Variants in TMCO6 observed in about 807,000 individuals in gnomAD.
The protein encoded by TMCO6 is transmembrane and coiled-coil domain-containing protein 6.
Under a neutral mutation model 61.8 loss-of-function variants are expected in TMCO6, and 47 were observed. The observed-to-expected ratio is 0.76, with a 90% CI of 0.60 to 0.97. The LOEUF is 0.97. Among genes scored for constraint, TMCO6 ranks in the 50% least tolerant of loss-of-function variants. The probability of loss-of-function intolerance (pLI) is 0.00; values close to 1 mark genes in which losing one functional copy is unlikely to be tolerated. For synonymous variants in TMCO6, 261 were observed against 254.2 expected (o/e 1.03, Z -0.25); for missense variants, 557 against 601.6 (o/e 0.93, Z 0.78).
At chr5:140,631,740 A>T in the TMCO6 span, 1 of 989,432 alleles carries the variant, frequency 1.0e-6, no homozygotes, top group Non-Finnish European at 1.5e-6. Context: ...CCCGTTGTTT[A>T]AGATTTTAAT....
the TMCO6 span, among the ~76,000 whole-genome samples, chr5:140,618,748 G>T: frequency 6.6e-6 from 1 of 151,962 alleles, no homozygotes; most frequent in East Asian, 1.9e-4. Context: ...AACAAATGGT[G>T]CTGGAACAAC....
At chr5:140,607,767 A>G in the TMCO6 span, among the ~76,000 whole-genome samples, 1 of 147,512 alleles carries the variant, frequency 6.8e-6, no homozygotes, top group East Asian at 2.0e-4. Flanking sequence ...GTGAAGTGGT[A>G]TCTCATTGTG....
the TMCO6 span, among the ~76,000 whole-genome samples, chr5:140,623,441 T>A: frequency 6.6e-6 from 1 of 151,754 alleles, no homozygotes; most frequent in South Asian, 2.1e-4. Context: ...GTAACTTAAC[T>A]CTTTGTTCAG....
At chr5:140,607,930 C>CA in the TMCO6 span, among the ~76,000 whole-genome samples, 1 of 151,950 alleles carries the variant, frequency 6.6e-6, no homozygotes, top group East Asian at 1.9e-4. Context: ...GCTGGGATTA[C>CA]AGGCACTCAC....
rs1243270401 is a variant in TMCO6 at position 140,641,723 on chromosome 5, C to T, written c.257C>T (p.Ala86Val). 1 of 1,614,208 alleles carries T rather than the reference C, an allele frequency of 6.2e-7. No individual in the cohort carries two copies. The highest frequency in any genetic ancestry group is 1.3e-5 in the African/African-American group (1 of 75,052). Reference sequence around the variant, plus strand: ...ACAGAGGAAAAGGAGAGAGAGGGGGCTCTGGTCAGCCTTCGTCGAGGCTTG... The same window carrying T: ...ACAGAGGAAAAGGAGAGAGAGGGGGTTCTGGTCAGCCTTCGTCGAGGCTTG... ...RGTEEKEREG[A>V]LVSLRRGLQH... The change falls in exon 3 of 12, where the codon GCT (alanine) becomes GTT (valine). Residue 86 changes from alanine (A) to valine (V), a missense_variant. Ala to Val is a moderately conservative substitution (Grantham distance 64, BLOSUM62 0). Coordinates refer to ENST00000394671, the MANE Select transcript of TMCO6 (RefSeq NM_018502.5).
the TMCO6 span, among the ~76,000 whole-genome samples, chr5:140,603,108 A>C: frequency 2.6e-5 from 4 of 152,022 alleles, no homozygotes; most frequent in Non-Finnish European, 4.4e-5. Context: ...TAGTTTCAAA[A>C]CTTTTCCATC....
the TMCO6 span, among the ~76,000 whole-genome samples, chr5:140,621,439 T>A: frequency 6.6e-6 from 1 of 152,184 alleles, no homozygotes; most frequent in African/African-American, 2.4e-5. Flanking sequence ...CCCCAGTCAA[T>A]ACCCTTGTGA....
Position 140,639,800 on chromosome 5 carries a change from C to A in TMCO6, c.147C>A (p.Ala49=). ...GCAAGAGGCTGCTGAGAAACGACGC[C>A]CCAGAGGAAGCTGGAGAGGGATGTG... ...LVSKRLLRND[A]PEEAGEGCVA... Residue 49 remains alanine (A), a synonymous_variant, in exon 2 of 12, where the codon GCC becomes GCA. Transcript: ENST00000394671. 6.2e-7 allele frequency: 1 copy of A among 1,609,796 alleles called. No homozygotes were observed. Among genetic ancestry groups the A allele is most frequent in the Non-Finnish European group, 8.5e-7 (1 of 1,178,680 alleles).
Position 140,643,031 on chromosome 5 carries a change from A to C in TMCO6, c.796A>C (p.Ile266Leu). Residue 266 changes from isoleucine (I) to leucine (L), a missense_variant, in exon 7 of 12, where the codon ATC becomes CTC. Coordinates refer to ENST00000394671, the MANE Select transcript of TMCO6 (RefSeq NM_018502.5). Reference sequence around the variant, plus strand: ...GGAGTTTGCCTGGTGCCTTCATTACATCATCTGCAGGTAACAGGGCAATTG... The same window carrying C: ...GGAGTTTGCCTGGTGCCTTCATTACCTCATCTGCAGGTAACAGGGCAATTG... ...AVEFAWCLHYIICSQVSNPLL... is the reference protein window; with the variant it reads ...AVEFAWCLHYLICSQVSNPLL... 1 of 1,614,156 alleles carries C rather than the reference A, an allele frequency of 6.2e-7. No homozygotes were observed. The highest frequency in any genetic ancestry group is 8.5e-7 in the Non-Finnish European group (1 of 1,180,016).
the TMCO6 span, among the ~76,000 whole-genome samples, chr5:140,611,685 G>C: frequency 6.6e-6 from 1 of 152,120 alleles, no homozygotes; most frequent in Non-Finnish European, 1.5e-5. Flanking sequence ...GATTTGGTTT[G>C]CTAGTGTTTT....
intron 8 of TMCO6, 24 bp from the exon 9 acceptor site, chr5:140,643,756 T>A: frequency 6.2e-7 from 1 of 1,611,804 alleles, no homozygotes; most frequent in Non-Finnish European, 8.5e-7. Flanking sequence ...TTCTTACACC[T>A]GACCCCCCAA....
At chr5:140,616,331 G>A in the TMCO6 span, among the ~76,000 whole-genome samples, 3 of 152,074 alleles carry the variant, frequency 2.0e-5, no homozygotes, top group African/African-American at 4.8e-5. Flanking sequence ...AGGCCAATGC[G>A]GGAGGATTGC....
intron 6 of TMCO6, 90 bp downstream of exon 6, chr5:140,642,761 C>T: frequency 6.3e-7 from 1 of 1,581,112 alleles, no homozygotes; most frequent in Non-Finnish European, 8.7e-7. Flanking sequence ...AAAGCTGTTG[C>T]ACATTTTAAA....
At chr5:140,606,989 T>TAAAA in the TMCO6 span, among the ~76,000 whole-genome samples, 1 of 133,634 alleles carries the variant, frequency 7.5e-6, no homozygotes, top group Non-Finnish European at 1.6e-5. Context: ...GTTTAAAAAG[T>TAAAA]AAAAAAAAAA....
At chr5:140,615,090 A>G in the TMCO6 span, among the ~76,000 whole-genome samples, 1 of 152,238 alleles carries the variant, frequency 6.6e-6, no homozygotes, top group African/African-American at 2.4e-5. Context: ...CTAATAAACA[A>G]ATTTAGTAAA....
At chr5:140,633,688 A>AT in the TMCO6 span, 5,331 of 153,900 alleles carry the variant, frequency 0.035, 236 homozygotes, top group African/African-American at 0.11. Flanking sequence ...GTTGGCACCA[A>AT]GGGGGGTAGA....
the TMCO6 span, among the ~76,000 whole-genome samples, chr5:140,608,158 T>A: frequency 6.6e-6 from 1 of 152,186 alleles, no homozygotes; most frequent in Non-Finnish European, 1.5e-5. Context: ...TTATGTTTGT[T>A]AGTCATTTAT....
At chr5:140,602,625 G>A in the TMCO6 span, among the ~76,000 whole-genome samples, 10 of 151,856 alleles carry the variant, frequency 6.6e-5, no homozygotes, top group South Asian at 2.1e-4. Flanking sequence ...TTAGCCAGGC[G>A]TGGTGGCACA....
the TMCO6 span, among the ~76,000 whole-genome samples, chr5:140,618,290 G>T: frequency 6.6e-6 from 1 of 152,062 alleles, no homozygotes; most frequent in African/African-American, 2.4e-5. Flanking sequence ...TGAGCCAGGC[G>T]TGGTGGTGCA....
Sources: gnomAD v4.1 joint callset for allele counts (sites outside exome capture counted in the v4.1 genomes callset) on GRCh38, gnomAD v4.1.1 for gene constraint, MANE v1.5 for transcripts, NCBI Gene and HGNC (gene_info 2026-07-23, HGNC 2026-07-21) for gene names.